Variants in LMO7 observed in about 807,000 individuals in gnomAD.
LMO7 encodes the protein LIM domain only protein 7.
Under a neutral mutation model 206.5 loss-of-function variants are expected in LMO7, and 120 were observed. That is an observed-to-expected ratio of 0.58 (90% CI 0.50 to 0.68). The LOEUF is 0.68. Among genes scored for constraint, LMO7 ranks in the 30% least tolerant of loss-of-function variants. The pLI is 0.00. For missense variants in LMO7, 1,959 were observed against 1,957.9 expected (o/e 1.00, Z -0.01); for synonymous variants, 706 against 681.5 (o/e 1.04, Z -0.56).
Position 75,857,919 on chromosome 13 carries a change from A to G in LMO7, c.4874-2A>G, listed in dbSNP as rs201847981. On this transcript the variant is annotated splice_acceptor_variant, in intron 30 of 30. Coordinates refer to ENST00000377534, the MANE Select transcript of LMO7 (RefSeq NM_001306080.2). LOFTEE classifies it high-confidence loss of function. Reference sequence around the variant, plus strand: ...TTCTTTCTTTTCTCCTTGCCCGATCAGCTGGACGGCCAACCGCCATGTGAT... The same window carrying G: ...TTCTTTCTTTTCTCCTTGCCCGATCGGCTGGACGGCCAACCGCCATGTGAT... 317 of 1,595,998 alleles carry G rather than the reference A, an allele frequency of 2.0e-4. No homozygotes were observed. The highest frequency in any genetic ancestry group is 2.5e-4 in the Non-Finnish European group (296 of 1,173,072).
At chr13:75,843,089 C>T (rs549340933) in intron 25 of LMO7, among the ~76,000 whole-genome samples, 173 bp downstream of exon 25, 18 of 152,306 alleles carry the variant, frequency 1.2e-4, no homozygotes, top group East Asian at 3.9e-4. Flanking sequence ...AACAACTATT[C>T]GTGAACTTAA....
intron 4 of LMO7, among the ~76,000 whole-genome samples, chr13:75,762,406 T>C (rs192221285): frequency 2.6e-5 from 4 of 152,322 alleles, no homozygotes; most frequent in African/African-American, 4.8e-5. Flanking sequence ...AAAGAAACTT[T>C]AGACTTTGAA....
chr13:75,626,291 T>G (rs911806552), intron 2 of LMO7, among the ~76,000 whole-genome samples: 5 of 151,918 alleles, frequency 3.3e-5, no homozygotes, highest in Non-Finnish European at 7.4e-5. Context: ...TCCACATGGC[T>G]GGGGAGGTCT....
At chr13:75,815,933 G>A (rs2056937604) in intron 11 of LMO7, among the ~76,000 whole-genome samples, 1 of 152,174 alleles carries the variant, frequency 6.6e-6, no homozygotes, top group Non-Finnish European at 1.5e-5. Flanking sequence ...ACAAGATTGA[G>A]TTTGGTCACA....
chr13:75,697,023 A>G (rs1165607549), intron 1 of LMO7, among the ~76,000 whole-genome samples: 2 of 152,190 alleles, frequency 1.3e-5, no homozygotes, highest in Non-Finnish European at 2.9e-5. Context: ...GCCAAACAAC[A>G]CATGTGCACG....
intron 3 of LMO7, among the ~76,000 whole-genome samples, chr13:75,737,763 A>AAATG (rs1258567049): frequency 3.8e-5 from 1 of 26,274 alleles, no homozygotes; most frequent in Non-Finnish European, 6.9e-5. Flanking sequence ...AAAAAAAAAA[A>AAATG]AAATAAAATA....
chr13:75,646,356 C>T (rs1009229599), intron 1 of LMO7, among the ~76,000 whole-genome samples: 4 of 152,170 alleles, frequency 2.6e-5, no homozygotes, highest in South Asian at 4.1e-4. Context: ...CAAGATTCCT[C>T]TTTAAAAGTG....
chr13:75,720,146 G>T (rs1372877743), intron 2 of LMO7, among the ~76,000 whole-genome samples: 1 of 152,086 alleles, frequency 6.6e-6, no homozygotes, highest in Non-Finnish European at 1.5e-5. Flanking sequence ...CCTTAGTGAG[G>T]TGTCTGTTAA....
intron 8 of LMO7, 124 bp downstream of exon 8, chr13:75,804,665 GA>G: frequency 8.1e-7 from 1 of 1,231,366 alleles, no homozygotes; most frequent in Non-Finnish European, 1.1e-6. Context: ...TGACTAGTGA[GA>G]ATATTTTTCA....
At position 75,636,703 on chromosome 13, in the gene LMO7, G is replaced by T; in HGVS notation, c.46G>T (p.Ala16Ser). 1.9e-6 allele frequency: 3 copies of T among 1,609,676 alleles called. No homozygotes were observed. In the South Asian group the frequency reaches 3.3e-5, roughly 18 times the overall value. Reference protein sequence around the residue: ...EAEANCSVAFAEAQRWVEAVT... With the variant: ...EAEANCSVAFSEAQRWVEAVT... ...AGAGGCCAACTGCTCCGTGGCGTTCGCTGAGGCTCAGAGATGGGTGGAGGT... is the reference window on the plus strand; with the variant it reads ...AGAGGCCAACTGCTCCGTGGCGTTCTCTGAGGCTCAGAGATGGGTGGAGGT... The change falls in exon 1 of 31, where the codon GCT becomes TCT. Residue 16 changes from alanine to serine, a missense_variant. By Grantham distance (99) the Ala-to-Ser change is moderately conservative. Transcript: ENST00000377534.
At chr13:75,707,520 A>C (rs1304328907) in intron 1 of LMO7, among the ~76,000 whole-genome samples, 1 of 152,088 alleles carries the variant, frequency 6.6e-6, no homozygotes, top group African/African-American at 2.4e-5. Context: ...GAACGCCATG[A>C]AACAATTCTG....
At chr13:75,857,532 G>A (rs549958530) in intron 30 of LMO7, 1 of 155,930 alleles carries the variant, frequency 6.4e-6, no homozygotes, top group African/African-American at 2.4e-5. Context: ...GTTGGAGAAA[G>A]TCAAGGCTGG....
rs149693580 is a variant in LMO7, at chr13:75,724,469, A to G, written c.141-2560A>G. Among the ~76,000 whole-genome samples the G allele has an allele frequency of 9.7e-4, 147 of 152,268 alleles. 1 individual carries two copies. The highest frequency in any genetic ancestry group is 3.5e-3 in the African/African-American group (145 of 41,564). On this transcript the variant is annotated intron_variant, in intron 2 of 30. Transcript: ENST00000377534. ...TCTGGAAGGTTATTATGTTATCTGA[A>G]TCTTGAATAGAATCAGTTACCTGAA...
intron 7 of LMO7, among the ~76,000 whole-genome samples, chr13:75,801,637 C>T (rs926364264): frequency 6.6e-6 from 1 of 152,196 alleles, no homozygotes; most frequent in African/African-American, 2.4e-5. Flanking sequence ...TCTGAGTGTA[C>T]ATCTCCAGCT....
In LMO7 at chr13:75,849,191, A is replaced by G; in HGVS notation, c.4263A>G (p.Glu1421=). The G allele has an allele frequency of 1.9e-6, 3 of 1,614,104 alleles. No homozygotes were observed. Among genetic ancestry groups the G allele is most frequent in the Non-Finnish European group, 2.5e-6 (3 of 1,179,942 alleles). The part of the protein sequence containing the change: ...AELERQQILQ[E]MRKRTPLHND... ...TGGAGAGGCAACAAATCCTTCAGGA[A>G]ATGAGGAAGAGAACACCCCTTCACA... The change falls in exon 27 of 31, where the codon GAA becomes GAG. Residue 1421 remains glutamate, a synonymous_variant. Transcript: ENST00000377534.
intron 1 of LMO7, among the ~76,000 whole-genome samples, chr13:75,689,579 G>C (rs2139612320): frequency 6.6e-6 from 1 of 152,286 alleles, no homozygotes; most frequent in Non-Finnish European, 1.5e-5. Flanking sequence ...CCCTCAATCT[G>C]GGTGGGCACC....
intron 1 of LMO7, among the ~76,000 whole-genome samples, chr13:75,657,508 T>C (rs1396522674): frequency 3.3e-5 from 5 of 152,148 alleles, no homozygotes; most frequent in African/African-American, 9.7e-5. Flanking sequence ...ACTCCTGAAC[T>C]ACTTTGAACA....
At chr13:75,833,664 C>T (rs537129659) in intron 16 of LMO7, among the ~76,000 whole-genome samples, 12 of 152,220 alleles carry the variant, frequency 7.9e-5, no homozygotes, top group Admixed American at 7.8e-4. Context: ...CTTTGCAAAA[C>T]ATTACAAGGC....
At chr13:75,792,402 A>G (rs1009184532) in intron 4 of LMO7, among the ~76,000 whole-genome samples, 3 of 152,214 alleles carry the variant, frequency 2.0e-5, no homozygotes, top group African/African-American at 7.2e-5. Context: ...GAACACAGTG[A>G]GACCCAGATC....
Sources: allele counts gnomAD v4.1 joint callset (sites outside exome capture counted in the v4.1 genomes callset), GRCh38; gene constraint gnomAD v4.1.1; transcripts MANE v1.5; gene names NCBI Gene and HGNC (gene_info 2026-07-23, HGNC 2026-07-21).